Variants in CIP2A observed in about 807,000 individuals in gnomAD.
The protein encoded by CIP2A is cellular inhibitor of PP2A, also known as protein CIP2A.
Under a neutral mutation model 110.9 loss-of-function variants are expected in CIP2A, and 103 were observed. That is an observed-to-expected ratio of 0.93 (90% CI 0.79 to 1.09). The LOEUF (loss-of-function observed/expected upper bound fraction) is 1.09. CIP2A is among the 50% of genes least tolerant of loss of function. The probability of loss-of-function intolerance (pLI) is 0.00; values close to 1 mark genes in which losing one functional copy is unlikely to be tolerated. For synonymous variants in CIP2A, 381 were observed against 361.6 expected, an observed-to-expected ratio of 1.05 and a Z score of -0.61; for missense variants, 1,088 against 1,038.4, an observed-to-expected ratio of 1.05 and a Z score of -0.66.
chr3:108,562,790 T>C lies in CIP2A; in HGVS notation c.1634+336A>G, dbSNP rs373335580. On this transcript the variant is annotated intron_variant, in intron 13 of 20. Transcript: ENST00000295746. The stretch of plus-strand genomic sequence containing the variant: ...ATGCTTAGACCTTTTCCTTAAACAG[T>C]CAGGAAGGAAAAGCTCTTTCTATGG... Among the ~76,000 whole-genome samples, 12 of 152,052 alleles carry C rather than the reference T, an allele frequency of 7.9e-5. 1 individual carries two copies. The highest frequency in any genetic ancestry group is 5.9e-4 in the Admixed American group (9 of 15,260).
intron 16 of CIP2A, among the ~76,000 whole-genome samples, chr3:108,557,668 C>T (rs1937856615): frequency 6.6e-6 from 1 of 152,002 alleles, no homozygotes; most frequent in Admixed American, 6.6e-5. Context: ...ACAACTGCAG[C>T]AACATGAAGG....
At chr3:108,554,171 T>C (rs923728459) in intron 18 of CIP2A, among the ~76,000 whole-genome samples, 16 of 152,028 alleles carry the variant, frequency 1.1e-4, no homozygotes, top group Admixed American at 6.6e-4. Context: ...GCTGGGATTA[T>C]AGGCGTGAGC....
chr3:108,573,787 T>C (rs1226530367), intron 8 of CIP2A, among the ~76,000 whole-genome samples: 1 of 152,186 alleles, frequency 6.6e-6, no homozygotes, highest in East Asian at 1.9e-4. Flanking sequence ...TCAACCTTTC[T>C]ACCATCTTTT....
At position 108,551,275 on chromosome 3, in the gene CIP2A, C is replaced by T; in HGVS notation, c.2592G>A (p.Leu864=). The T allele has an allele frequency of 1.2e-6, 2 of 1,612,148 alleles. No individual in the cohort carries two copies. Among genetic ancestry groups the T allele is most frequent in the East Asian group, 4.5e-5 (2 of 44,756 alleles). The change falls in exon 21 of 21, where the codon TTG becomes TTA. Residue 864 remains leucine (L), a synonymous_variant. Transcript: ENST00000295746. Reference sequence around the variant, plus strand: ...GTTTCACCAAGGACTCTTTCTCTTCCAAACGACCTTCTAATTGTGCCTTTT... The same window carrying T: ...GTTTCACCAAGGACTCTTTCTCTTCTAAACGACCTTCTAATTGTGCCTTTT... The part of the protein sequence containing the change: ...EVQKAQLEGR[L]EEKESLVKLQ...
At chr3:108,555,524 T>C (rs915249637) in intron 17 of CIP2A, among the ~76,000 whole-genome samples, 9 of 152,286 alleles carry the variant, frequency 5.9e-5, no homozygotes, top group African/African-American at 2.2e-4. Flanking sequence ...CGGACCCTCA[T>C]TGAGGAAGCC....
chr3:108,573,879 GA>G (rs1173874552), intron 8 of CIP2A, among the ~76,000 whole-genome samples: 1 of 151,996 alleles, frequency 6.6e-6, no homozygotes, highest in East Asian at 1.9e-4. Context: ...GGCTGACCTG[GA>G]AAAGTCGTAC....
chr3:108,554,566 C>T (rs1011437931), intron 17 of CIP2A, 77 bp from the exon 18 acceptor site: 2 of 649,790 alleles, frequency 3.1e-6, no homozygotes, highest in Non-Finnish European at 5.4e-6. Context: ...ACAGTGTTTT[C>T]TTTACTATCT....
intron 1 of CIP2A, 63 bp downstream of exon 1, chr3:108,589,211 C>T (rs895887524): frequency 7.9e-7 from 1 of 1,261,650 alleles, no homozygotes; most frequent in Non-Finnish European, 1.2e-6. Context: ...ACTCCTCGGC[C>T]TCACTGTGAA....
At chr3:108,573,414 AT>A (rs905126209) in intron 8 of CIP2A, among the ~76,000 whole-genome samples, 1 of 151,528 alleles carries the variant, frequency 6.6e-6, no homozygotes, top group Non-Finnish European at 1.5e-5. Context: ...AACGCGAATT[AT>A]TTTTTACTTT....
chr3:108,580,463 A>G (rs1312602019), intron 5 of CIP2A, among the ~76,000 whole-genome samples: 1 of 151,608 alleles, frequency 6.6e-6, no homozygotes, highest in African/African-American at 2.4e-5. Context: ...ACACACACAC[A>G]CACACACACA....
intron 17 of CIP2A, among the ~76,000 whole-genome samples, chr3:108,554,774 G>T (rs1277837760): frequency 6.6e-6 from 1 of 152,120 alleles, no homozygotes; most frequent in Non-Finnish European, 1.5e-5. Flanking sequence ...AGATGATATT[G>T]CATTACATAA....
intron 16 of CIP2A, among the ~76,000 whole-genome samples, chr3:108,558,956 GAT>G (rs1311283715): frequency 6.6e-6 from 1 of 152,156 alleles, no homozygotes; most frequent in African/African-American, 2.4e-5. Context: ...TACTGTGAAA[GAT>G]ACTCAGCACA....
chr3:108,581,368 G>C (rs780516343), intron 5 of CIP2A, 47 bp downstream of exon 5: 2 of 1,295,974 alleles, frequency 1.5e-6, no homozygotes, highest in Non-Finnish European at 2.2e-6. Context: ...TTTAAGCAGA[G>C]AATCTACCAT....
intron 8 of CIP2A, among the ~76,000 whole-genome samples, chr3:108,573,115 C>T (rs534336259): frequency 1.1e-4 from 17 of 152,040 alleles, no homozygotes; most frequent in African/African-American, 4.1e-4. Flanking sequence ...AAATGTTAAA[C>T]CATCTTTGCA....
At chr3:108,551,748 A>C (rs2107304401) in intron 20 of CIP2A, among the ~76,000 whole-genome samples, 1 of 152,194 alleles carries the variant, frequency 6.6e-6, no homozygotes, top group East Asian at 1.9e-4. Flanking sequence ...AACGGGCCAG[A>C]AAGTACAATT....
In CIP2A at chr3:108,562,081, AT is replaced by A. The variant is rs1317532061; in HGVS notation, c.1634+1044del. ...TATTTTTGTTGTTGCTGTTAAAAAAATATTTATTATAAAATTAAGGGAATTT... is the reference window on the plus strand; with the variant it reads ...TATTTTTGTTGTTGCTGTTAAAAAAAATTTATTATAAAATTAAGGGAATTT... On this transcript the variant is annotated intron_variant, in intron 13 of 20. Coordinates refer to ENST00000295746, the MANE Select transcript of CIP2A (RefSeq NM_020890.3). 5.9e-5 allele frequency among the ~76,000 whole-genome samples: 9 copies of A among 152,314 alleles called. No individual in the cohort carries two copies. The East Asian group carries it at 1.5e-3, about 26-fold the overall frequency.
rs1178873183 is a variant in CIP2A at position 108,552,362 on chromosome 3, T to C, written c.2419A>G (p.Lys807Glu). The change falls in exon 20 of 21, where the codon AAA becomes GAA. Residue 807 changes from lysine to glutamate, a missense_variant. Transcript: ENST00000295746. ...ATCTTTTCTTCTTGTACTTTTGTTT[T>C]TTGATGCAAATCTTAAAAGAAAAAA... ...REHKLANLHQ[K>E]TKVQEEKIKT... is the part of the protein sequence containing the mutation. The C allele has an allele frequency of 3.3e-6, 5 of 1,530,756 alleles. No homozygotes were observed. The highest frequency in any genetic ancestry group is 3.5e-6 in the Non-Finnish European group (4 of 1,135,526). The allele number at this position is 1,530,756 out of a possible 1,614,324, so 94.8% of individuals were successfully genotyped here. A position where few individuals can be genotyped will look rare whatever the true frequency, so the allele number is the denominator to read the frequency against.
intron 9 of CIP2A, 71 bp downstream of exon 9, chr3:108,569,318 T>C: frequency 9.1e-7 from 1 of 1,099,220 alleles, no homozygotes; most frequent in Non-Finnish European, 1.4e-6. Flanking sequence ...TTACAAAGAA[T>C]GTTTTTGAAG....
At position 108,569,181 on chromosome 3, in the gene CIP2A, T is replaced by TATATATATATATATACACACACACAC; in HGVS notation, c.1113+207_1113+208insGTGTGTGTGTGTATATATATATATAT. On this transcript the variant is annotated intron_variant, in intron 9 of 20. Coordinates refer to ENST00000295746, the MANE Select transcript of CIP2A (RefSeq NM_020890.3). ...CTGAAATGAGCACTATATATATATA[T>TATATATATATATATACACACACACAC]ACATACACACTACTCAGTGAAAAAA... is the stretch of plus-strand genomic sequence containing the variant. 1.4e-4 allele frequency among the ~76,000 whole-genome samples: 8 copies of TATATATATATATATACACACACACAC among 58,254 alleles called. No individual in the cohort carries two copies. In the East Asian group the frequency reaches 2.0e-3, roughly 15 times the overall value. The allele number at this position is 58,254 out of a possible 152,430, so 38.2% of individuals were successfully genotyped here.
Sources: allele counts gnomAD v4.1 joint callset (sites outside exome capture counted in the v4.1 genomes callset), GRCh38; gene constraint gnomAD v4.1.1; transcripts MANE v1.5; gene names NCBI Gene and HGNC (gene_info 2026-07-23, HGNC 2026-07-21).